The following ARHGAP6 variants were observed in gnomAD, a reference collection of about 807,000 sequenced individuals.
ARHGAP6 encodes the protein rho GTPase-activating protein 6.
Under a neutral mutation model 55.7 loss-of-function variants are expected in ARHGAP6, and 16 were observed. That is an observed-to-expected ratio of 0.29 (90% CI 0.19 to 0.44). ARHGAP6 has a LOEUF of 0.44. Among genes scored for constraint, ARHGAP6 ranks in the 20% least tolerant of loss-of-function variants. ARHGAP6 has a pLI of 1.00. For missense variants in ARHGAP6, 698 were observed against 808.9 expected (o/e 0.86, Z 1.66); for synonymous variants, 382 against 360.9 (o/e 1.06, Z -0.66).
chrX:11,517,140 G>T (rs921175577), intron 1 of ARHGAP6, among the ~76,000 whole-genome samples: 1 of 111,782 alleles, frequency 8.9e-6, no homozygotes, highest in Non-Finnish European at 1.9e-5. Context: ...AATGTAGGCT[G>T]GGCTCTGCTT....
intron 1 of ARHGAP6, chrX:11,351,360 A>C: frequency 1.0e-6 from 1 of 966,691 alleles, no homozygotes; most frequent in Non-Finnish European, 1.3e-6. Flanking sequence ...AACTAAATAC[A>C]CGTGACCTAG....
At chrX:11,600,659 C>G (rs1315438274) in intron 1 of ARHGAP6, among the ~76,000 whole-genome samples, 1 of 112,339 alleles carries the variant, frequency 8.9e-6, no homozygotes, top group Non-Finnish European at 1.9e-5. Flanking sequence ...ATACATCAAC[C>G]TCCCTGGTCC....
chrX:11,353,549 A>AGTGTGTGTGTGTGT (rs200177159), intron 1 of ARHGAP6, among the ~76,000 whole-genome samples: 8 of 82,473 alleles, frequency 9.7e-5, no homozygotes, highest in South Asian at 6.7e-4. Flanking sequence ...TATTGCTTAT[A>AGTGTGTGTGTGTGT]GTGTGTGTGT....
intron 1 of ARHGAP6, among the ~76,000 whole-genome samples, chrX:11,504,830 G>T (rs940320086): frequency 8.9e-5 from 10 of 112,309 alleles, no homozygotes; most frequent in Non-Finnish European, 1.7e-4. Flanking sequence ...CACCAACAAT[G>T]CTAGAAAGAT....
At chrX:11,278,174 G>T (rs2047803238) in intron 1 of ARHGAP6, among the ~76,000 whole-genome samples, 1 of 111,372 alleles carries the variant, frequency 9.0e-6, no homozygotes, top group African/African-American at 3.3e-5. Context: ...CACCCCTAAG[G>T]TTTCCACACC....
chrX:11,324,524 A>C (rs1372906914), intron 1 of ARHGAP6, among the ~76,000 whole-genome samples: 1 of 107,337 alleles, frequency 9.3e-6, no homozygotes, highest in Admixed American at 1.0e-4. Context: ...GAGAGTCTCT[A>C]TGGGAAATTA....
At chrX:11,513,044 T>C (rs1446555099) in intron 1 of ARHGAP6, among the ~76,000 whole-genome samples, 2 of 111,971 alleles carry the variant, frequency 1.8e-5, no homozygotes, top group Non-Finnish European at 3.8e-5. Flanking sequence ...TGTTGATCTA[T>C]GCATTTAACA....
At chrX:11,387,382 G>T (rs1250277511) in intron 1 of ARHGAP6, among the ~76,000 whole-genome samples, 1 of 111,629 alleles carries the variant, frequency 9.0e-6, no homozygotes, top group African/African-American at 3.3e-5. Flanking sequence ...TGCATGCAGA[G>T]AGAGTAAATG....
chrX:11,175,388 G>A (rs968441043), intron 8 of ARHGAP6, among the ~76,000 whole-genome samples: 7 of 111,944 alleles, frequency 6.3e-5, no homozygotes, highest in Non-Finnish European at 1.1e-4. Flanking sequence ...TTGATGCAAT[G>A]TTCAGGTCAA....
At chrX:11,473,259 T>C (rs978113651) in intron 1 of ARHGAP6, among the ~76,000 whole-genome samples, 1 of 111,391 alleles carries the variant, frequency 9.0e-6, no homozygotes, top group Admixed American at 9.6e-5. Flanking sequence ...GAAAGAGGAA[T>C]GTACAGTACA....
intron 1 of ARHGAP6, among the ~76,000 whole-genome samples, chrX:11,609,688 G>A (rs1018558745): frequency 3.6e-5 from 4 of 111,913 alleles, no homozygotes; most frequent in African/African-American, 9.7e-5. Flanking sequence ...GAAGAAAAGT[G>A]GAAAGGGCAT....
rs1491079107 is a variant in ARHGAP6, at chrX:11,552,599, T to TAC, written c.588+111641_588+111642insGT. Among the ~76,000 whole-genome samples the TAC allele has an allele frequency of 8.7e-4, 42 of 48,215 alleles. 1 individual carries two copies. Among genetic ancestry groups the TAC allele is most frequent in the African/African-American group, 3.4e-3 (38 of 11,148 alleles). The allele number at this position is 48,215 out of a possible 115,157, so 41.9% of individuals were successfully genotyped here. A position where few individuals can be genotyped will look rare whatever the true frequency, so the allele number is the denominator to read the frequency against. On this transcript the variant is annotated intron_variant, in intron 1 of 12. Transcript: ENST00000337414. ...ATATATATATATATATATATATATA[T>TAC]AGACACACACACACACACACACACA... is the stretch of plus-strand genomic sequence containing the variant.
intron 1 of ARHGAP6, among the ~76,000 whole-genome samples, chrX:11,458,788 C>T (rs2050217266): frequency 9.1e-6 from 1 of 110,361 alleles, no homozygotes; most frequent in African/African-American, 3.3e-5. Flanking sequence ...GATTTCTGTC[C>T]TCATGGAGCT....
intron 1 of ARHGAP6, among the ~76,000 whole-genome samples, chrX:11,612,661 A>G (rs915692139): frequency 8.9e-6 from 1 of 112,339 alleles, no homozygotes; most frequent in Non-Finnish European, 1.9e-5. Context: ...TAATAAATAC[A>G]TTTCTATTGT....
Position 11,664,136 on chromosome X carries a change from T to TAG in ARHGAP6, c.588+103_588+104dup, listed in dbSNP as rs781032282. The stretch of plus-strand genomic sequence containing the variant: ...GAAAACCCACACCACGGAAACCCCT[T>TAG]AGTGGGTGCCTTGCTCTGTAAATGT... On this transcript the variant is annotated intron_variant, in intron 1 of 12. Transcript: ENST00000337414. 1.2e-4 allele frequency: 97 copies of TAG among 793,108 alleles called. 1 individual carries two copies. The East Asian group carries it at 3.2e-3, about 26-fold the overall frequency. 65.4% of individuals were successfully genotyped at this position (793,108 alleles called of 1,213,427 possible).
chrX:11,477,528 A>C (rs1360253693), intron 1 of ARHGAP6, among the ~76,000 whole-genome samples: 2 of 112,060 alleles, frequency 1.8e-5, no homozygotes, highest in Non-Finnish European at 3.8e-5. Flanking sequence ...AAAGGAAAAC[A>C]TATGTCCCCA....
intron 1 of ARHGAP6, among the ~76,000 whole-genome samples, chrX:11,283,556 A>C (rs1278472415): frequency 8.9e-6 from 1 of 112,598 alleles, no homozygotes; most frequent in Non-Finnish European, 1.9e-5. Context: ...AAGAGGAGTT[A>C]AAGTTGCAGA....
intron 1 of ARHGAP6, chrX:11,299,125 C>T: frequency 1.3e-6 from 1 of 755,045 alleles, no homozygotes; most frequent in Non-Finnish European, 1.9e-6. Context: ...TATGCTATAC[C>T]TTTATGTTAA....
intron 1 of ARHGAP6, 80 bp from the exon 2 acceptor site, chrX:11,254,787 A>G: frequency 9.9e-7 from 1 of 1,014,726 alleles, no homozygotes; most frequent in Non-Finnish European, 1.3e-6. Flanking sequence ...ATCCTCTCTT[A>G]GTAATAAAGT....
Sources: allele counts gnomAD v4.1 joint callset (sites outside exome capture counted in the v4.1 genomes callset), GRCh38; gene constraint gnomAD v4.1.1; transcripts MANE v1.5; gene names NCBI Gene and HGNC (gene_info 2026-07-23, HGNC 2026-07-21).